Variants in PTPN18 observed in about 807,000 individuals in gnomAD.
The protein encoded by PTPN18 is protein tyrosine phosphatase non-receptor type 18, also known as tyrosine-protein phosphatase non-receptor type 18.
In PTPN18, 65 loss-of-function variants were observed where a neutral mutation model predicts 65.4. That is an observed-to-expected ratio of 0.99 (90% CI 0.81 to 1.22). PTPN18 has a LOEUF of 1.22. PTPN18 is among the 50% of genes most tolerant of loss of function. The pLI is 0.00. For synonymous variants in PTPN18, 255 were observed against 267.8 expected (o/e 0.95, Z 0.47); for missense variants, 616 against 646.5 (o/e 0.95, Z 0.51).
rs1316859283 is a variant in PTPN18 at position 130,362,908 on chromosome 2, C to A, written c.414+3262C>A. ...GATCTCAGCTCGCTGCAACCTCCGCCTCCCGGGTCCACGCCATTCTCCTGC... is the reference window on the plus strand; with the variant it reads ...GATCTCAGCTCGCTGCAACCTCCGCATCCCGGGTCCACGCCATTCTCCTGC... On this transcript the variant is annotated intron_variant, in intron 5 of 14. Transcript: ENST00000175756. Among the ~76,000 whole-genome samples, 3 of 152,136 alleles carry A rather than the reference C, an allele frequency of 2.0e-5. No homozygotes were observed. In the East Asian group the frequency reaches 5.9e-4, roughly 30 times the overall value.
intron 5 of PTPN18, among the ~76,000 whole-genome samples, chr2:130,368,498 T>G (rs1481315216): frequency 6.6e-6 from 1 of 152,208 alleles, no homozygotes; most frequent in East Asian, 1.9e-4. Flanking sequence ...TGTGAATTCT[T>G]TCTCATCATG....
intron 1 of PTPN18, chr2:130,356,541 GCGCTGGACAGCCCCGGCCCCGC>G: frequency 2.0e-6 from 1 of 505,318 alleles, no homozygotes; most frequent in Non-Finnish European, 4.0e-6. Flanking sequence ...CGGCCCTGCT[GCGCTGGACAGCCCCGGCCCCGC>G]CGCTTCTGGC....
Position 130,370,174 on chromosome 2 carries a change from C to T in PTPN18, c.673C>T (p.Leu225Phe). ...CCTCCAGGGATCTGGCCCTGAACCC[C>T]TCTGTGTCCACTGCAGGTTTTGGAA... is the stretch of plus-strand genomic sequence containing the variant. ...RRLQGSGPEP[L>F]CVHCSAGCGR... The change falls in exon 8 of 15, where the codon CTC (leucine) becomes TTC (phenylalanine). Residue 225 changes from leucine to phenylalanine, a missense_variant. This residue lies in a region of PTPN18 where 368 missense variants were observed against 386.7 expected (regional missense o/e 0.95). Coordinates refer to ENST00000175756, the MANE Select transcript of PTPN18 (RefSeq NM_014369.4). 1 of 1,612,296 alleles carries T rather than the reference C, an allele frequency of 6.2e-7. No homozygotes were observed. The highest frequency in any genetic ancestry group is 8.5e-7 in the Non-Finnish European group (1 of 1,180,008).
At chr2:130,364,254 C>T (rs1680316403) in intron 5 of PTPN18, among the ~76,000 whole-genome samples, 1 of 152,150 alleles carries the variant, frequency 6.6e-6, no homozygotes, top group Admixed American at 6.5e-5. Flanking sequence ...AACCTCTATT[C>T]TCCTTTCTGT....
intron 1 of PTPN18, 116 bp from the exon 2 acceptor site, chr2:130,358,751 C>A: frequency 2.6e-6 from 2 of 777,838 alleles, no homozygotes; most frequent in Non-Finnish European, 4.3e-6. Flanking sequence ...GGTCTGCACT[C>A]ACCTCCCCAG....
At chr2:130,359,702 C>G in intron 5 of PTPN18, 56 bp downstream of exon 5, 1 of 1,581,538 alleles carries the variant, frequency 6.3e-7, no homozygotes, top group Non-Finnish European at 8.7e-7. Flanking sequence ...GAGGAGGGAT[C>G]TTGCTAGCTC....
intron 5 of PTPN18, among the ~76,000 whole-genome samples, chr2:130,363,913 C>T (rs1323972059): frequency 2.6e-5 from 4 of 151,528 alleles, no homozygotes; most frequent in African/African-American, 9.7e-5. Context: ...GTTTGAGGGT[C>T]CCCATTTCTT....
In PTPN18 at chr2:130,358,904, G is replaced by A; in HGVS notation, c.131G>A (p.Gly44Asp). ...TGCTCGGCCGCCTGGAAGGCTGACGGCGTGTGCTCCACCGTGGCCGGCAGT... is the reference window on the plus strand; with the variant it reads ...TGCTCGGCCGCCTGGAAGGCTGACGACGTGTGCTCCACCGTGGCCGGCAGT... ...QACSAAWKAD[G>D]VCSTVAGSRP... The change falls in exon 2 of 15, where the codon GGC becomes GAC. Residue 44 changes from glycine to aspartate, a missense_variant. Physicochemically the swap from Gly to Asp is moderately conservative, Grantham distance 94. Around this residue, in one of 3 missense-constraint regions of PTPN18, gnomAD observed 223 missense variants for 210.0 expected, o/e 1.06. Transcript: ENST00000175756. 6.2e-7 allele frequency: 1 copy of A among 1,614,018 alleles called. No homozygotes were observed. Among genetic ancestry groups the A allele is most frequent in the Non-Finnish European group, 8.5e-7 (1 of 1,179,888 alleles).
In PTPN18 at chr2:130,359,267, G is replaced by T; in HGVS notation, c.237G>T (p.Gln79His). The T allele has an allele frequency of 6.2e-7, 1 of 1,614,156 alleles. No individual in the cohort carries two copies. Among genetic ancestry groups the T allele is most frequent in the Non-Finnish European group, 8.5e-7 (1 of 1,180,030 alleles). Residue 79 changes from glutamine (Q) to histidine (H), a missense_variant, in exon 3 of 15, where the codon CAG becomes CAT. By Grantham distance (24) the Gln-to-His change is conservative. This residue lies in a region of PTPN18 where 223 missense variants were observed against 210.0 expected (regional missense o/e 1.06). Coordinates refer to ENST00000175756, the MANE Select transcript of PTPN18 (RefSeq NM_014369.4). ...DQTRVILSLL[Q>H]EEGHSDYING... ...CGCGAGTAATCCTCTCCCTGCTCCA[G>T]GAAGAGGGACACAGCGACTACATTA... is the stretch of plus-strand genomic sequence containing the variant.
At chr2:130,363,897 G>C (rs76678351) in intron 5 of PTPN18, among the ~76,000 whole-genome samples, 6 of 151,128 alleles carry the variant, frequency 4.0e-5, no homozygotes, top group Non-Finnish European at 7.4e-5. Context: ...ACATTTCCAC[G>C]GCAATGTTTG....
intron 1 of PTPN18, among the ~76,000 whole-genome samples, chr2:130,358,090 G>C (rs1680051501): frequency 2.0e-5 from 3 of 152,180 alleles, no homozygotes; most frequent in Non-Finnish European, 4.4e-5. Flanking sequence ...GCGGAAGGCT[G>C]GGTGGCGAGG....
intron 5 of PTPN18, 103 bp from the exon 6 acceptor site, chr2:130,369,030 G>A (rs1298167435): frequency 1.2e-5 from 11 of 951,158 alleles, no homozygotes; most frequent in Admixed American, 2.1e-5. Context: ...AGCTGCCTGT[G>A]CTTCCACCAC....
chr2:130,370,836 C>A, intron 10 of PTPN18, 39 bp from the exon 11 acceptor site: 2 of 1,611,912 alleles, frequency 1.2e-6, no homozygotes, highest in South Asian at 2.2e-5. Flanking sequence ...CTGTCATTTG[C>A]CCCTGCCTTC....
At chr2:130,361,176 T>C (rs1038487469) in intron 5 of PTPN18, among the ~76,000 whole-genome samples, 13 of 152,238 alleles carry the variant, frequency 8.5e-5, no homozygotes, top group African/African-American at 3.1e-4. Context: ...ATGTATGGAT[T>C]GCTTAGAGAG....
chr2:130,373,253 C>T lies in PTPN18; in HGVS notation c.*29C>T, dbSNP rs926729846. 4 of 1,546,150 alleles carry T rather than the reference C, an allele frequency of 2.6e-6. No homozygotes were observed. Among genetic ancestry groups the T allele is most frequent in the African/African-American group, 2.8e-5 (2 of 72,364 alleles). ...TAACGCCAGTTCCTGCCTGTTGCCT[C>T]TTGTGAGCTCGGACTGCTGATGCCC... is the stretch of plus-strand genomic sequence containing the variant. On this transcript the variant is annotated 3_prime_UTR_variant, in exon 15 of 15. Coordinates refer to ENST00000175756, the MANE Select transcript of PTPN18 (RefSeq NM_014369.4). The surrounding 1 kb of genome is among the most constrained non-coding windows in gnomAD (Gnocchi z 4.1).
At chr2:130,361,166 A>G (rs1302816878) in intron 5 of PTPN18, among the ~76,000 whole-genome samples, 1 of 152,132 alleles carries the variant, frequency 6.6e-6, no homozygotes, top group Non-Finnish European at 1.5e-5. Flanking sequence ...TTTTCTCTAA[A>G]TGTATGGATT....
chr2:130,363,456 A>T (rs1680288523), intron 5 of PTPN18, among the ~76,000 whole-genome samples: 1 of 152,068 alleles, frequency 6.6e-6, no homozygotes, highest in South Asian at 2.1e-4. Flanking sequence ...AAAAAAAAAG[A>T]AAAAGAAAAG....
intron 12 of PTPN18, 81 bp downstream of exon 12, chr2:130,371,368 T>TGGAACA: frequency 8.0e-7 from 1 of 1,246,258 alleles, no homozygotes; most frequent in Non-Finnish European, 1.1e-6. Context: ...ACCAGTCCGT[T>TGGAACA]CCTTGTTCAC....
At chr2:130,372,572 G>A in intron 13 of PTPN18, 89 bp downstream of exon 13, 1 of 1,372,564 alleles carries the variant, frequency 7.3e-7, no homozygotes, top group Non-Finnish European at 9.5e-7. Context: ...AGGCCCTGGC[G>A]GCCGCGGGGA....
Sources: allele counts gnomAD v4.1 joint callset (sites outside exome capture counted in the v4.1 genomes callset), GRCh38; gene constraint gnomAD v4.1.1; regional missense constraint gnomAD v4.1.1; non-coding constraint Gnocchi (gnomAD v3.1); transcripts MANE v1.5; gene names NCBI Gene and HGNC (gene_info 2026-07-23, HGNC 2026-07-21).